RASSF3: variants seen among roughly 807,000 people sequenced by gnomAD.
RASSF3 encodes Ras association domain family member 3.
Under a neutral mutation model 19.9 loss-of-function variants are expected in RASSF3, and 19 were observed. The ratio of observed to expected loss-of-function variants is 0.96; its 90% CI spans 0.67 to 1.40. The LOEUF (loss-of-function observed/expected upper bound fraction) is 1.40. Among genes scored for constraint, RASSF3 ranks in the 40% most tolerant of loss-of-function variants. The pLI, the probability that RASSF3 is intolerant of heterozygous loss-of-function variation, is 0.00. For synonymous variants in RASSF3, 110 were observed against 104.2 expected, an observed-to-expected ratio of 1.06 and a Z score of -0.34; for missense variants, 306 against 289.8, an observed-to-expected ratio of 1.06 and a Z score of -0.41.
chr12:64,607,389 A>G (rs945042226), upstream of RASSF3, among the ~76,000 whole-genome samples: 2 of 152,002 alleles, frequency 1.3e-5, no homozygotes, highest in Non-Finnish European at 2.9e-5. Flanking sequence ...TTATTTTCTG[A>G]GGCAGAGTCT....
chr12:64,653,428 A>G (rs1872035848), intron 1 of RASSF3, among the ~76,000 whole-genome samples: 1 of 152,174 alleles, frequency 6.6e-6, no homozygotes, highest in Non-Finnish European at 1.5e-5. Flanking sequence ...TGCATTAGGA[A>G]CCATGCTGAT....
chr12:64,541,174 T>C (rs1231818565), intron 1 of RASSF3, among the ~76,000 whole-genome samples: 1 of 150,840 alleles, frequency 6.6e-6, no homozygotes, highest in Non-Finnish European at 1.5e-5. Flanking sequence ...TTAACAGAGA[T>C]GGGGTTTCGC....
downstream of RASSF3, among the ~76,000 whole-genome samples, chr12:64,546,478 G>T (rs577879037): frequency 2.9e-3 from 434 of 152,228 alleles, 4 homozygotes; most frequent in Non-Finnish European, 1.7e-3. Flanking sequence ...CACCATGTTA[G>T]CCAGGATGGT....
chr12:64,593,899 C>T (rs1017819235), intron 2 of RASSF3, among the ~76,000 whole-genome samples: 2 of 150,982 alleles, frequency 1.3e-5, no homozygotes, highest in Admixed American at 6.6e-5. Flanking sequence ...GTAATCCCAG[C>T]TACTCAGGAG....
intron 2 of RASSF3, among the ~76,000 whole-genome samples, chr12:64,564,715 A>G (rs1298768230): frequency 5.3e-5 from 8 of 152,040 alleles, no homozygotes. Flanking sequence ...TGCCATCTCC[A>G]ACAGAGAAAT....
intron 1 of RASSF3, among the ~76,000 whole-genome samples, chr12:64,524,902 A>G (rs555198796): frequency 6.6e-6 from 1 of 152,344 alleles, no homozygotes; most frequent in South Asian, 2.1e-4. Context: ...CTCTTTATTC[A>G]GTTGTTAGGC....
At chr12:64,663,966 T>C (rs866693411) in intron 1 of RASSF3, among the ~76,000 whole-genome samples, 12 of 152,054 alleles carry the variant, frequency 7.9e-5, no homozygotes, top group South Asian at 2.1e-4. Context: ...AAATTTTTAC[T>C]TTCTATGGCA....
At chr12:64,578,631 CAAAAAAAG>C (rs78804717) in intron 2 of RASSF3, among the ~76,000 whole-genome samples, 16,252 of 151,256 alleles carry the variant, frequency 0.11, 1,029 homozygotes, top group African/African-American at 0.16. Context: ...CCTGTCTTTA[CAAAAAAAG>C]AAAAAAAGAG....
At chr12:64,675,885 A>T (rs1441511280) in intron 1 of RASSF3, among the ~76,000 whole-genome samples, 1 of 151,986 alleles carries the variant, frequency 6.6e-6, no homozygotes, top group Non-Finnish European at 1.5e-5. Context: ...ACATAAACGG[A>T]AATAGAGCCC....
At chr12:64,638,125 C>T (rs920462760) in intron 1 of RASSF3, among the ~76,000 whole-genome samples, 6 of 152,072 alleles carry the variant, frequency 3.9e-5, no homozygotes, top group Non-Finnish European at 7.3e-5. Flanking sequence ...CCTACGCCCC[C>T]GGCCTAGTTA....
At chr12:64,582,561 C>T (rs1869721425) in intron 2 of RASSF3, among the ~76,000 whole-genome samples, 1 of 152,156 alleles carries the variant, frequency 6.6e-6, no homozygotes. Context: ...TCGTCAGTTA[C>T]AATCCATTTT....
chr12:64,623,918 G>A (rs1245169), intron 1 of RASSF3, among the ~76,000 whole-genome samples: 44,265 of 151,736 alleles, frequency 0.29, 7,155 homozygotes, highest in Non-Finnish European at 0.37. Context: ...CAAAGTGTTG[G>A]GATTACAGGG....
At chr12:64,690,686 A>G (rs972821756) in intron 3 of RASSF3, among the ~76,000 whole-genome samples, 29 of 149,562 alleles carry the variant, frequency 1.9e-4, no homozygotes, top group Admixed American at 1.7e-3. Flanking sequence ...GGGTCCTGCT[A>G]TGTTGCCCTG....
chr12:64,665,386 C>T (rs1329145949), intron 1 of RASSF3, among the ~76,000 whole-genome samples: 2 of 152,112 alleles, frequency 1.3e-5, no homozygotes, highest in African/African-American at 2.4e-5. Flanking sequence ...TTGAAAGTCT[C>T]CAGTCAGATT....
chr12:64,693,144 CTTTTTTTTTTT>C (rs71434057), intron 4 of RASSF3, among the ~76,000 whole-genome samples: 1 of 128,754 alleles, frequency 7.8e-6, no homozygotes, highest in African/African-American at 2.9e-5. Flanking sequence ...CCATGTTGCT[CTTTTTTTTTTT>C]TTTTTTTTTA....
At position 64,641,923 on chromosome 12, in the gene RASSF3, G is replaced by A. The variant is rs567365916; in HGVS notation, c.111+31180G>A. Among the ~76,000 whole-genome samples the A allele has an allele frequency of 6.6e-5, 10 of 151,916 alleles. No individual in the cohort carries two copies. The East Asian group carries it at 2.0e-3, about 30-fold the overall frequency. On this transcript the variant is annotated intron_variant, in intron 1 of 4. Transcript: ENST00000542104. Reference sequence around the variant, plus strand: ...ACGCCCGGCTAATTTTGTATCTTTAGTAGAGACGGGGTTTCTCCATGTTGG... The same window carrying A: ...ACGCCCGGCTAATTTTGTATCTTTAATAGAGACGGGGTTTCTCCATGTTGG...
chr12:64,591,424 C>A (rs553881473), intron 2 of RASSF3, among the ~76,000 whole-genome samples: 6 of 151,674 alleles, frequency 4.0e-5, no homozygotes, highest in African/African-American at 1.5e-4. Context: ...TGCAGTGAGC[C>A]GAGATCCCGC....
intron 1 of RASSF3, among the ~76,000 whole-genome samples, chr12:64,663,475 T>C (rs1316494533): frequency 2.0e-5 from 3 of 152,020 alleles, no homozygotes; most frequent in Non-Finnish European, 4.4e-5. Flanking sequence ...AATATACATA[T>C]CAGGGATGCA....
chr12:64,680,872 A>G (rs1173957229), intron 1 of RASSF3, among the ~76,000 whole-genome samples: 1 of 152,086 alleles, frequency 6.6e-6, no homozygotes, highest in Non-Finnish European at 1.5e-5. Flanking sequence ...TCGGCCTCCC[A>G]AAGTGCTGGG....
Sources: gnomAD v4.1 joint callset for allele counts (sites outside exome capture counted in the v4.1 genomes callset) on GRCh38, gnomAD v4.1.1 for gene constraint, MANE v1.5 for transcripts, NCBI Gene and HGNC (gene_info 2026-07-23, HGNC 2026-07-21) for gene names.